Variants in KLF8 observed in about 807,000 individuals in gnomAD.
KLF8 encodes KLF transcription factor 8, also known as Krueppel-like factor 8.
A neutral mutation model predicts 18.2 loss-of-function variants in KLF8; 10 were observed. The ratio of observed to expected loss-of-function variants is 0.55; its 90% CI spans 0.34 to 0.93. The LOEUF is 0.93. Among genes scored for constraint, KLF8 ranks in the 40% least tolerant of loss-of-function variants. The pLI, the probability that KLF8 is intolerant of heterozygous loss-of-function variation, is 0.02. For missense variants in KLF8, 264 were observed against 277.9 expected (o/e 0.95, Z 0.36); for synonymous variants, 109 against 97.3 (o/e 1.12, Z -0.71).
chrX:56,195,732 C>A, the KLF8 span, among the ~76,000 whole-genome samples: 17 of 111,530 alleles, frequency 1.5e-4, 1 homozygote, highest in African/African-American at 3.6e-4. Flanking sequence ...ACAGAGAGAA[C>A]ACCACAAAGA....
At chrX:56,027,054 T>G in the KLF8 span, among the ~76,000 whole-genome samples, 1 of 112,923 alleles carries the variant, frequency 8.9e-6, no homozygotes, top group Non-Finnish European at 1.9e-5. Context: ...AAGTGACTCT[T>G]GACCTAAATG....
At chrX:56,253,597 A>G (rs1288018931) in intron 2 of KLF8, among the ~76,000 whole-genome samples, 2 of 109,930 alleles carry the variant, frequency 1.8e-5, no homozygotes, top group Admixed American at 1.9e-4. Context: ...ATACAATGCC[A>G]TTTTGGTTAC....
At chrX:56,007,633 T>C in the KLF8 span, among the ~76,000 whole-genome samples, 1 of 111,781 alleles carries the variant, frequency 8.9e-6, no homozygotes, top group Non-Finnish European at 1.9e-5. Context: ...TTAAACTCTG[T>C]CTTTGACATG....
At chrX:56,132,393 T>A in the KLF8 span, among the ~76,000 whole-genome samples, 1 of 111,380 alleles carries the variant, frequency 9.0e-6, no homozygotes, top group Non-Finnish European at 1.9e-5. Flanking sequence ...GATCATTGGA[T>A]CAACAATGAA....
At chrX:56,152,949 T>C in the KLF8 span, among the ~76,000 whole-genome samples, 11 of 111,904 alleles carry the variant, frequency 9.8e-5, no homozygotes, top group East Asian at 5.6e-4. Flanking sequence ...ATTCCTTAGA[T>C]TGTTGAGCAA....
chrX:56,177,544 G>A, the KLF8 span, among the ~76,000 whole-genome samples: 72 of 111,292 alleles, frequency 6.5e-4, no homozygotes, highest in African/African-American at 2.3e-3. Flanking sequence ...GGCTACTCGG[G>A]GGTCAGGGAC....
chrX:56,264,018 C>G (rs1444044621), intron 2 of KLF8, among the ~76,000 whole-genome samples: 1 of 111,713 alleles, frequency 9.0e-6, no homozygotes, highest in Non-Finnish European at 1.9e-5. Flanking sequence ...TAACATTTTT[C>G]ATAATTTAAA....
the KLF8 span, among the ~76,000 whole-genome samples, chrX:56,204,824 C>T: frequency 9.1e-6 from 1 of 110,385 alleles, no homozygotes; most frequent in Admixed American, 9.8e-5. Flanking sequence ...CTCTAGATAA[C>T]AACAGTTTGA....
chrX:56,029,456 G>C, the KLF8 span, among the ~76,000 whole-genome samples: 3 of 110,902 alleles, frequency 2.7e-5, no homozygotes, highest in African/African-American at 9.8e-5. Context: ...GGAGACTCTT[G>C]CTCCTATTAT....
the KLF8 span, among the ~76,000 whole-genome samples, chrX:55,955,263 G>T: frequency 7.2e-5 from 8 of 111,009 alleles, no homozygotes; most frequent in Non-Finnish European, 1.1e-4. Context: ...AGAACAGCAA[G>T]CAAAAAAGTC....
chrX:56,241,011 C>T (rs1481813443), intron 1 of KLF8, among the ~76,000 whole-genome samples: 3 of 111,674 alleles, frequency 2.7e-5, no homozygotes, highest in Non-Finnish European at 5.6e-5. Flanking sequence ...AAAGAAATGC[C>T]ATGAAATGAT....
the KLF8 span, among the ~76,000 whole-genome samples, chrX:55,919,982 A>G: frequency 1.8e-5 from 2 of 111,488 alleles, no homozygotes; most frequent in African/African-American, 6.5e-5. Flanking sequence ...ACTAAACAAA[A>G]ACACAACCAA....
the KLF8 span, among the ~76,000 whole-genome samples, chrX:56,123,246 A>T: frequency 3.1e-5 from 3 of 96,935 alleles, no homozygotes; most frequent in African/African-American, 1.1e-4. Flanking sequence ...AAATAAAAAA[A>T]GAAAGAAAAA....
chrX:56,252,761 T>C (rs1320645868), intron 2 of KLF8, among the ~76,000 whole-genome samples: 1 of 112,468 alleles, frequency 8.9e-6, no homozygotes, highest in South Asian at 3.7e-4. Flanking sequence ...CTGGATCATA[T>C]AGTAGCTCAA....
chrX:56,185,942 G>A, the KLF8 span, among the ~76,000 whole-genome samples: 1 of 112,033 alleles, frequency 8.9e-6, no homozygotes, highest in Admixed American at 9.5e-5. Context: ...AAAGACCATT[G>A]AGGCTAGGAA....
chrX:56,180,355 G>T, the KLF8 span, among the ~76,000 whole-genome samples: 8 of 111,173 alleles, frequency 7.2e-5, no homozygotes, highest in Non-Finnish European at 1.3e-4. Flanking sequence ...GCATCTGTTT[G>T]ATTCTTCTCT....
chrX:56,128,949 C>T, the KLF8 span, among the ~76,000 whole-genome samples: 6 of 87,054 alleles, frequency 6.9e-5, no homozygotes, highest in African/African-American at 2.0e-4. Flanking sequence ...CTGCAATGTG[C>T]AAAAAAGTGT....
the KLF8 span, among the ~76,000 whole-genome samples, chrX:56,106,966 C>T: frequency 8.9e-6 from 1 of 112,082 alleles, no homozygotes; most frequent in Non-Finnish European, 1.9e-5. Flanking sequence ...TTCTAACGGT[C>T]AGGTCCCTCA....
the KLF8 span, among the ~76,000 whole-genome samples, chrX:56,216,337 G>A: frequency 9.1e-6 from 1 of 110,113 alleles, no homozygotes; most frequent in African/African-American, 3.3e-5. Context: ...AAAATGTTAA[G>A]TGGCTCCTCA....
Sources: allele counts gnomAD v4.1 joint callset (sites outside exome capture counted in the v4.1 genomes callset), GRCh38; gene constraint gnomAD v4.1.1; transcripts MANE v1.5; gene names NCBI Gene and HGNC (gene_info 2026-07-23, HGNC 2026-07-21).